The following FAM227B variants were observed in gnomAD, a reference collection of about 807,000 sequenced individuals.
The protein encoded by FAM227B is protein FAM227B.
A neutral mutation model predicts 73.8 loss-of-function variants in FAM227B; 88 were observed. The ratio of observed to expected loss-of-function variants is 1.19; its 90% CI spans 1.00 to 1.42. FAM227B has a LOEUF of 1.42. Ranked by LOEUF, FAM227B falls within the 40% of genes most tolerant of loss-of-function variation. The pLI is 0.00. For synonymous variants in FAM227B, 210 were observed against 190.5 expected (o/e 1.10, Z -0.84); for missense variants, 632 against 590.9 (o/e 1.07, Z -0.72).
chr15:49,613,442 G>A (rs1438966874), intron 2 of FAM227B, among the ~76,000 whole-genome samples: 5 of 151,998 alleles, frequency 3.3e-5, no homozygotes, highest in African/African-American at 9.7e-5. Context: ...CGGAGGTTGC[G>A]GTGAGCCAAG....
intron 11 of FAM227B, among the ~76,000 whole-genome samples, chr15:49,428,979 T>C (rs1384221166): frequency 6.6e-6 from 1 of 152,008 alleles, no homozygotes; most frequent in Non-Finnish European, 1.5e-5. Flanking sequence ...GACTCATTTG[T>C]CAACAATTCT....
chr15:49,436,703 C>A (rs1265631724), intron 11 of FAM227B, among the ~76,000 whole-genome samples: 1 of 151,492 alleles, frequency 6.6e-6, no homozygotes, highest in Non-Finnish European at 1.5e-5. Context: ...CTCTAGGTTA[C>A]ATAGCTAGTA....
At chr15:49,484,833 CTGATAA>C (rs920402655) in intron 11 of FAM227B, 2 of 177,786 alleles carry the variant, frequency 1.1e-5, no homozygotes, top group African/African-American at 4.7e-5. Context: ...ATTTGATTAT[CTGATAA>C]TGATTATTTA....
chr15:49,481,233 A>T (rs1215341557), intron 11 of FAM227B, among the ~76,000 whole-genome samples: 3 of 152,244 alleles, frequency 2.0e-5, no homozygotes, highest in African/African-American at 7.2e-5. Context: ...TTTTTGTCAT[A>T]AAAGTAATGG....
intron 9 of FAM227B, among the ~76,000 whole-genome samples, chr15:49,556,842 C>T (rs1460591195): frequency 6.6e-6 from 1 of 152,218 alleles, no homozygotes; most frequent in African/African-American, 2.4e-5. Flanking sequence ...ATCCCTCTGG[C>T]CTCTGCACAG....
Position 49,591,911 on chromosome 15 carries a change from T to C in FAM227B, c.106-1904A>G, listed in dbSNP as rs552768759. Among the ~76,000 whole-genome samples, 4 of 152,318 alleles carry C rather than the reference T, an allele frequency of 2.6e-5. No homozygotes were observed. In the South Asian group the frequency reaches 8.3e-4, roughly 32 times the overall value. On this transcript the variant is annotated intron_variant, in intron 3 of 15. Coordinates refer to ENST00000299338, the MANE Select transcript of FAM227B (RefSeq NM_152647.3). ...ACACCATATTTTCTTTTTCCATTCT[T>C]ATGTTGAAAAGCACTTAGGTTGATT...
At chr15:49,357,229 A>G (rs2043306017) in intron 13 of FAM227B, among the ~76,000 whole-genome samples, 1 of 150,586 alleles carries the variant, frequency 6.6e-6, no homozygotes, top group Non-Finnish European at 1.5e-5. Context: ...AGAAATAACT[A>G]AAATCAGAGC....
chr15:49,404,381 C>A (rs950950430), intron 11 of FAM227B, among the ~76,000 whole-genome samples: 1 of 152,068 alleles, frequency 6.6e-6, no homozygotes, highest in East Asian at 1.9e-4. Context: ...CCCACTATTA[C>A]TGTATGAGAG....
rs142858784 is a variant in FAM227B, at chr15:49,575,159, A to C, written c.547-50T>G. The C allele has an allele frequency of 9.0e-3, 8,979 of 998,780 alleles. 61 individuals carry two copies. Among genetic ancestry groups the C allele is most frequent in the Non-Finnish European group, 0.012 (7,830 of 648,784 alleles). The allele number at this position is 998,780 out of a possible 1,614,324, so 61.9% of individuals were successfully genotyped here. ...TGCATGGAGATTAAAATATATTACA[A>C]AACATGTTAATGTAAATAGGCTTTA... On this transcript the variant is annotated intron_variant, in intron 7 of 15. Coordinates refer to ENST00000299338, the MANE Select transcript of FAM227B (RefSeq NM_152647.3).
chr15:49,328,342 T>C lies in FAM227B; in HGVS notation c.*226A>G. 1 of 1,429,966 alleles carries C rather than the reference T, an allele frequency of 7.0e-7. No homozygotes were observed. The allele number at this position is 1,429,966 out of a possible 1,614,324, so 88.6% of individuals were successfully genotyped here. ...ATGCTTCATAATGATTCTTTTTCCA[T>C]CTTAAAATATGGTTTTACTATTAAG... On this transcript the variant is annotated 3_prime_UTR_variant, in exon 16 of 16. Transcript: ENST00000299338.
chr15:49,424,650 T>C, intron 11 of FAM227B: 1 of 1,211,030 alleles, frequency 8.3e-7, no homozygotes, highest in Non-Finnish European at 1.1e-6. Flanking sequence ...TCAGGTGATA[T>C]GTTTTCTCAT....
chr15:49,510,973 A>T (rs1307669483), intron 10 of FAM227B, among the ~76,000 whole-genome samples: 3 of 144,924 alleles, frequency 2.1e-5, no homozygotes, highest in African/African-American at 7.6e-5. Flanking sequence ...TTTTTTTTTT[A>T]GCATTTTCTT....
chr15:49,603,211 T>C (rs981019273), intron 3 of FAM227B, among the ~76,000 whole-genome samples: 6 of 152,220 alleles, frequency 3.9e-5, no homozygotes, highest in African/African-American at 1.4e-4. Context: ...GGGATTGCAT[T>C]ACATCTGTAA....
At chr15:49,384,220 C>G (rs11631687) in intron 11 of FAM227B, among the ~76,000 whole-genome samples, 113,091 of 151,964 alleles carry the variant, frequency 0.74, 42,439 homozygotes, top group African/African-American at 0.79. Context: ...CAGTTCAAGC[C>G]GATTTGTGTT....
At chr15:49,359,632 C>G (rs925716011) in intron 13 of FAM227B, among the ~76,000 whole-genome samples, 3 of 128,320 alleles carry the variant, frequency 2.3e-5, no homozygotes, top group Non-Finnish European at 5.1e-5. Flanking sequence ...CACTTTTACA[C>G]TGTTGGTGGG....
intron 11 of FAM227B, among the ~76,000 whole-genome samples, chr15:49,395,189 G>A (rs1004346428): frequency 1.3e-5 from 2 of 151,642 alleles, no homozygotes; most frequent in African/African-American, 4.8e-5. Context: ...CTTTCTTTTG[G>A]TAAATAGTTA....
At chr15:49,571,262 C>CAT (rs2075080356) in intron 8 of FAM227B, among the ~76,000 whole-genome samples, 1 of 151,882 alleles carries the variant, frequency 6.6e-6, no homozygotes, top group Non-Finnish European at 1.5e-5. Flanking sequence ...AACCCCTTAT[C>CAT]AGATGTATGG....
At chr15:49,383,460 G>A (rs1188821528) in intron 11 of FAM227B, among the ~76,000 whole-genome samples, 1 of 151,890 alleles carries the variant, frequency 6.6e-6, no homozygotes, top group Admixed American at 6.6e-5. Context: ...CTACAATATA[G>A]TATAAACATA....
intron 13 of FAM227B, among the ~76,000 whole-genome samples, chr15:49,355,545 GAAT>G (rs1275553211): frequency 1.3e-5 from 2 of 152,096 alleles, no homozygotes; most frequent in African/African-American, 4.8e-5. Flanking sequence ...AGAGAAAAAA[GAAT>G]AAAAAGAAAT....
Sources: gnomAD v4.1 joint callset for allele counts (sites outside exome capture counted in the v4.1 genomes callset) on GRCh38, gnomAD v4.1.1 for gene constraint, MANE v1.5 for transcripts, NCBI Gene and HGNC (gene_info 2026-07-23, HGNC 2026-07-21) for gene names.